The following COL16A1 variants were observed in gnomAD, a reference collection of about 807,000 sequenced individuals.
COL16A1 encodes the protein collagen alpha-1(XVI) chain.
COL16A1 carries 189 observed loss-of-function variants against 266.3 expected under a neutral mutation model. That is an observed-to-expected ratio of 0.71 (90% confidence interval 0.63 to 0.80). The LOEUF (loss-of-function observed/expected upper bound fraction) is 0.80, where lower values mean the gene tolerates loss of function less well. COL16A1 is among the 30% of genes least tolerant of loss of function. The pLI is 0.00. For synonymous variants in COL16A1, 740 were observed against 782.3 expected (o/e 0.95, Z 0.90); for missense variants, 1,928 against 2,122.4 (o/e 0.91, Z 1.80).
Position 31,683,013 on chromosome 1 carries a change from G to T in COL16A1, c.2470-11C>A. The T allele has an allele frequency of 6.2e-7, 1 of 1,614,024 alleles. No homozygotes were observed. The highest frequency in any genetic ancestry group is 2.2e-5 in the East Asian group (1 of 44,874). On this transcript the variant is annotated splice_polypyrimidine_tract_variant and intron_variant, in intron 36 of 70. Coordinates refer to ENST00000373672, the MANE Select transcript of COL16A1 (RefSeq NM_001856.4). ...CACCCCTGGAGATCCCTGTGTAAGA[G>T]AAGGTACAAAGGTCTCAGGGGCAGA...
At position 31,688,559 on chromosome 1, in the gene COL16A1, T is replaced by C. The variant is rs567799552; in HGVS notation, c.1768-57A>G. 5.0e-4 allele frequency: 802 copies of C among 1,608,558 alleles called. 1 individual carries two copies. The highest frequency in any genetic ancestry group is 5.6e-4 in the Non-Finnish European group (654 of 1,175,204). On this transcript the variant is annotated intron_variant, in intron 25 of 70. Coordinates refer to ENST00000373672, the MANE Select transcript of COL16A1 (RefSeq NM_001856.4). This position sits in a 1 kb window ranked among gnomAD's most constrained non-coding sequence, Gnocchi z 4.9. ...CTCCCCACTCCCACCTCTCCAAGGCTCCCCGGGTCCCAGTGTCCAACCAGA... is the reference window on the plus strand; with the variant it reads ...CTCCCCACTCCCACCTCTCCAAGGCCCCCCGGGTCCCAGTGTCCAACCAGA...
Position 31,698,113 on chromosome 1 carries a change from A to C in COL16A1, c.450T>G (p.Asp150Glu), listed in dbSNP as rs772873427. The C allele has an allele frequency of 1.2e-6, 2 of 1,613,856 alleles. No homozygotes were observed. The highest frequency in any genetic ancestry group is 2.7e-5 in the African/African-American group (2 of 74,934). The stretch of plus-strand genomic sequence containing the variant: ...GGAAGATGCAGGACACAAAGTCGCC[A>C]TCCTGGCCCTGGGCCCTGAGCTCCA... ...RSLELRAQGQ[D>E]GDFVSCIFPV... The change falls in exon 6 of 71, where the codon GAT (aspartate) becomes GAG (glutamate). Residue 150 changes from aspartate (D) to glutamate (E), a missense_variant. Physicochemically the swap from Asp to Glu is conservative, Grantham distance 45. Around this residue, in one of 2 missense-constraint regions of COL16A1, gnomAD observed 1,552 missense variants for 1,637.2 expected, o/e 0.95. Transcript: ENST00000373672. The surrounding 1 kb of genome is among the most constrained non-coding windows in gnomAD (Gnocchi z 4.1).
chr1:31,690,826 C>T (rs1644229542), intron 20 of COL16A1, among the ~76,000 whole-genome samples: 1 of 152,154 alleles, frequency 6.6e-6, no homozygotes, highest in African/African-American at 2.4e-5. Flanking sequence ...AGAGGTGATC[C>T]GCGTGACCCC....
intron 42 of COL16A1, among the ~76,000 whole-genome samples, chr1:31,675,590 T>C (rs529102414): frequency 6.6e-6 from 1 of 152,226 alleles, no homozygotes; most frequent in Non-Finnish European, 1.5e-5. Context: ...GGGTCTTCCA[T>C]GGAACTACTG....
chr1:31,686,386 C>G (rs1293534119), intron 26 of COL16A1, 107 bp from the exon 27 acceptor site: 1 of 1,444,636 alleles, frequency 6.9e-7, no homozygotes, highest in Non-Finnish European at 9.6e-7. Context: ...GTCCAGACTA[C>G]CCTCTCATGT....
chr1:31,678,317 G>A (rs561851157), intron 42 of COL16A1, among the ~76,000 whole-genome samples: 2 of 152,300 alleles, frequency 1.3e-5, no homozygotes, highest in South Asian at 2.1e-4. Flanking sequence ...TTAGGAGCTG[G>A]GAGCCAGACA....
At chr1:31,669,261 G>A (rs1304874689) in intron 49 of COL16A1, among the ~76,000 whole-genome samples, 1 of 152,004 alleles carries the variant, frequency 6.6e-6, no homozygotes, top group East Asian at 1.9e-4. Context: ...ACCCCAGATG[G>A]ATGCTGCCAC....
chr1:31,690,977 G>A (rs1644235278), intron 20 of COL16A1, among the ~76,000 whole-genome samples: 1 of 152,054 alleles, frequency 6.6e-6, no homozygotes, highest in Non-Finnish European at 1.5e-5. Flanking sequence ...AACACAGGCG[G>A]AGGTTGCAGT....
chr1:31,654,220 C>A (rs1481802592), intron 68 of COL16A1, among the ~76,000 whole-genome samples, 177 bp from the exon 69 acceptor site: 1 of 152,184 alleles, frequency 6.6e-6, no homozygotes, highest in South Asian at 2.1e-4. Flanking sequence ...GTCCTGGCCT[C>A]CACGTCGCTC....
intron 52 of COL16A1, among the ~76,000 whole-genome samples, chr1:31,666,722 C>G (rs568407503): frequency 4.1e-4 from 63 of 152,256 alleles, no homozygotes; most frequent in African/African-American, 1.5e-3. Context: ...CCACAGGGAT[C>G]CCTCCCTCCT....
Position 31,656,014 on chromosome 1 carries a change from A to T in COL16A1, c.4101+386T>A. ...CTCTCATCCCACAGCGCTATGTCTC[A>T]TGTCTTCTGGAAAACTTGCCAATCC... On this transcript the variant is annotated intron_variant, in intron 66 of 70. Coordinates refer to ENST00000373672, the MANE Select transcript of COL16A1 (RefSeq NM_001856.4). This position sits in a 1 kb window ranked among gnomAD's most constrained non-coding sequence, Gnocchi z 4.2. 3.0e-6 allele frequency: 1 copy of T among 332,320 alleles called. No individual in the cohort carries two copies. Among genetic ancestry groups the T allele is most frequent in the Non-Finnish European group, 5.6e-6 (1 of 178,218 alleles). The allele number at this position is 332,320 out of a possible 1,614,324, so 20.6% of individuals were successfully genotyped here.
In COL16A1 at chr1:31,694,173, G is replaced by A. The variant is rs2275096; in HGVS notation, c.982-3C>T. ...GGGCCAGAGGGAGCAAGTGTGACCT[G>A]AGGGGACAGAGGAGAGGGCATCACA... On this transcript the variant is annotated splice_polypyrimidine_tract_variant and splice_region_variant and intron_variant, in intron 11 of 70. Coordinates refer to ENST00000373672, the MANE Select transcript of COL16A1 (RefSeq NM_001856.4). The A allele has an allele frequency of 3.7e-4, 583 of 1,587,660 alleles. 7 individuals carry two copies. In the East Asian group the frequency reaches 8.6e-3, roughly 24 times the overall value.
At chr1:31,654,966 AGATT>A in intron 67 of COL16A1, 108 bp from the exon 68 acceptor site, 1 of 702,684 alleles carries the variant, frequency 1.4e-6, no homozygotes, top group Non-Finnish European at 2.1e-6. Flanking sequence ...AGCCTCCCAC[AGATT>A]CTTTTTTTTT....
Position 31,698,402 on chromosome 1 carries a change from G to C in COL16A1, c.390+81C>G. 6.3e-7 allele frequency: 1 copy of C among 1,588,612 alleles called. No individual in the cohort carries two copies. Among genetic ancestry groups the C allele is most frequent in the East Asian group, 2.2e-5 (1 of 44,742 alleles). On this transcript the variant is annotated intron_variant, in intron 5 of 70. Coordinates refer to ENST00000373672, the MANE Select transcript of COL16A1 (RefSeq NM_001856.4). This position sits in a 1 kb window ranked among gnomAD's most constrained non-coding sequence, Gnocchi z 4.1. ...AGGATGGAGCAGGGAGACCCCAGAA[G>C]TCACAAGCCGGGATGAAAGGTGGGC... is the stretch of plus-strand genomic sequence containing the variant.
intron 62 of COL16A1, chr1:31,660,036 C>T (rs1641518257): frequency 6.7e-6 from 1 of 148,176 alleles, no homozygotes; most frequent in Non-Finnish European, 1.5e-5. Context: ...CAGCCAGCCA[C>T]AACAGGGCTG....
intron 39 of COL16A1, 96 bp from the exon 40 acceptor site, chr1:31,680,197 G>A: frequency 6.6e-7 from 1 of 1,511,012 alleles, no homozygotes; most frequent in Non-Finnish European, 8.9e-7. Context: ...AGATGGAGAG[G>A]CCAGGGTTTC....
At chr1:31,667,953 TCAGGCCTGAG>T (rs1642285322) in intron 51 of COL16A1, among the ~76,000 whole-genome samples, 1 of 152,054 alleles carries the variant, frequency 6.6e-6, no homozygotes. Context: ...GCTCTGAGAG[TCAGGCCTGAG>T]CAGAGTGGTG....
rs1370675208 is a variant in COL16A1, at chr1:31,668,273, C to T, written c.3250-55G>A. ...CCCCCCAACATTTCTGTTCTCCCCT[C>T]GCTGGGTAAGAGGATGGCCAAAGCT... On this transcript the variant is annotated intron_variant, in intron 50 of 70. Coordinates refer to ENST00000373672, the MANE Select transcript of COL16A1 (RefSeq NM_001856.4). The surrounding 1 kb of genome is among the most constrained non-coding windows in gnomAD (Gnocchi z 5.8). 4 of 1,586,718 alleles carry T rather than the reference C, an allele frequency of 2.5e-6. No individual in the cohort carries two copies. The highest frequency in any genetic ancestry group is 2.7e-5 in the African/African-American group (2 of 74,436).
At chr1:31,691,565 C>T in intron 18 of COL16A1, 33 bp downstream of exon 18, 1 of 1,614,010 alleles carries the variant, frequency 6.2e-7, no homozygotes, top group Non-Finnish European at 8.5e-7. Flanking sequence ...GCCCTGCCAC[C>T]CCATCTCCAC....
Sources: allele counts gnomAD v4.1 joint callset (sites outside exome capture counted in the v4.1 genomes callset), GRCh38; gene constraint gnomAD v4.1.1; regional missense constraint gnomAD v4.1.1; non-coding constraint Gnocchi (gnomAD v3.1); transcripts MANE v1.5; gene names NCBI Gene and HGNC (gene_info 2026-07-23, HGNC 2026-07-21).